NDUFAF2: variants seen among roughly 807,000 people sequenced by gnomAD.
NDUFAF2 encodes NADH:ubiquinone oxidoreductase complex assembly factor 2, also known as NADH dehydrogenase [ubiquinone] 1 alpha subcomplex assembly factor 2.
Under a neutral mutation model 22.8 loss-of-function variants are expected in NDUFAF2, and 13 were observed. The ratio of observed to expected loss-of-function variants is 0.57; its 90% CI spans 0.37 to 0.91. The LOEUF (loss-of-function observed/expected upper bound fraction) is 0.91, where lower values mean the gene tolerates loss of function less well. Ranked by LOEUF, NDUFAF2 falls within the 40% of genes least tolerant of loss-of-function variation. The pLI, the probability that NDUFAF2 is intolerant of heterozygous loss-of-function variation, is 0.01. For synonymous variants in NDUFAF2, 53 were observed against 64.2 expected, an observed-to-expected ratio of 0.83 and a Z score of 0.84; for missense variants, 162 against 195.2, an observed-to-expected ratio of 0.83 and a Z score of 1.01.
chr5:60,994,578 C>A (rs1356090211), intron 1 of NDUFAF2, among the ~76,000 whole-genome samples: 1 of 152,188 alleles, frequency 6.6e-6, no homozygotes, highest in Non-Finnish European at 1.5e-5. Flanking sequence ...AATATTGGAG[C>A]TCCATTGTTG....
In NDUFAF2 at chr5:61,107,352, T is replaced by G. The variant is rs1579833580; in HGVS notation, c.258+8320T>G. On this transcript the variant is annotated intron_variant, in intron 3 of 3. Coordinates refer to ENST00000296597, the MANE Select transcript of NDUFAF2 (RefSeq NM_174889.5). ...TGATGATCAGTGATGTTGGAGCACT[T>G]TTTCATATACCTGTTTGCCATTTGC... Among the ~76,000 whole-genome samples the G allele has an allele frequency of 7.3e-5, 11 of 151,534 alleles. No homozygotes were observed. The South Asian group carries it at 2.1e-3, about 29-fold the overall frequency.
At chr5:61,147,304 A>G (rs1188480778) in intron 3 of NDUFAF2, among the ~76,000 whole-genome samples, 1 of 151,736 alleles carries the variant, frequency 6.6e-6, no homozygotes, top group Non-Finnish European at 1.5e-5. Context: ...GCTGGAGTGC[A>G]GTGGTGTGAT....
At chr5:61,143,119 T>A (rs1274014315) in intron 3 of NDUFAF2, among the ~76,000 whole-genome samples, 2 of 152,156 alleles carry the variant, frequency 1.3e-5, no homozygotes, top group Non-Finnish European at 2.9e-5. Context: ...ATTCCCATTA[T>A]AATTTTATAA....
At chr5:61,019,991 A>G (rs1312659007) in intron 1 of NDUFAF2, among the ~76,000 whole-genome samples, 1 of 152,160 alleles carries the variant, frequency 6.6e-6, no homozygotes, top group Non-Finnish European at 1.5e-5. Flanking sequence ...CAATGTCTTT[A>G]ATAGTAGCAG....
chr5:61,034,914 G>GTC (rs1751777948), intron 1 of NDUFAF2, among the ~76,000 whole-genome samples: 2 of 65,932 alleles, frequency 3.0e-5, no homozygotes, highest in Non-Finnish European at 6.5e-5. Flanking sequence ...AAATATATAT[G>GTC]TGTGTGTGTG....
intron 1 of NDUFAF2, among the ~76,000 whole-genome samples, chr5:61,002,634 G>A (rs970019516): frequency 2.0e-5 from 3 of 152,064 alleles, no homozygotes; most frequent in Admixed American, 1.3e-4. Context: ...CTAAAACATT[G>A]TGCAGATGTA....
At chr5:61,106,677 C>T (rs1752767157) in intron 3 of NDUFAF2, among the ~76,000 whole-genome samples, 1 of 149,772 alleles carries the variant, frequency 6.7e-6, no homozygotes, top group Non-Finnish European at 1.5e-5. Flanking sequence ...ATTAACCATT[C>T]CCACCCCCCC....
intron 3 of NDUFAF2, among the ~76,000 whole-genome samples, chr5:61,143,621 C>T (rs1741088281): frequency 6.6e-6 from 1 of 151,968 alleles, no homozygotes; most frequent in Admixed American, 6.6e-5. Flanking sequence ...TCCGGTTTCT[C>T]ATTTTTTATA....
intron 3 of NDUFAF2, among the ~76,000 whole-genome samples, chr5:61,148,894 A>G (rs1741187620): frequency 6.6e-6 from 1 of 152,220 alleles, no homozygotes; most frequent in Non-Finnish European, 1.5e-5. Flanking sequence ...ATCTGCATAA[A>G]CTTTTCAATC....
At chr5:60,999,212 C>G (rs1476343944) in intron 1 of NDUFAF2, among the ~76,000 whole-genome samples, 1 of 151,942 alleles carries the variant, frequency 6.6e-6, no homozygotes, top group Non-Finnish European at 1.5e-5. Flanking sequence ...ACTAGCAATT[C>G]CACTCCTAGG....
chr5:61,142,915 G>A (rs974489835), intron 3 of NDUFAF2, among the ~76,000 whole-genome samples: 21 of 152,170 alleles, frequency 1.4e-4, no homozygotes, highest in African/African-American at 4.6e-4. Context: ...GATGAAAAAG[G>A]GTGATCTAAT....
At chr5:61,006,343 A>G (rs1751366161) in intron 1 of NDUFAF2, among the ~76,000 whole-genome samples, 1 of 152,192 alleles carries the variant, frequency 6.6e-6, no homozygotes, top group Non-Finnish European at 1.5e-5. Context: ...TGGTTACTGT[A>G]GCCTTGTAGT....
At chr5:61,036,422 G>T (rs1272482787) in intron 1 of NDUFAF2, among the ~76,000 whole-genome samples, 3 of 152,194 alleles carry the variant, frequency 2.0e-5, no homozygotes, top group Non-Finnish European at 4.4e-5. Flanking sequence ...TTTAGTTTTA[G>T]ATTCTCAAAA....
chr5:61,098,538 AC>A (rs1485990286), intron 2 of NDUFAF2, among the ~76,000 whole-genome samples: 1 of 152,182 alleles, frequency 6.6e-6, no homozygotes, highest in East Asian at 1.9e-4. Flanking sequence ...CAGAAAAGAA[AC>A]CTCTGTAAAT....
At chr5:61,117,665 T>C (rs1225488134) in intron 3 of NDUFAF2, among the ~76,000 whole-genome samples, 1 of 144,140 alleles carries the variant, frequency 6.9e-6, no homozygotes, top group African/African-American at 2.5e-5. Flanking sequence ...CCAATGCATA[T>C]GATTGACTTT....
intron 1 of NDUFAF2, among the ~76,000 whole-genome samples, chr5:61,036,402 A>G (rs1751800266): frequency 6.6e-6 from 1 of 152,232 alleles, no homozygotes; most frequent in African/African-American, 2.4e-5. Flanking sequence ...ATTGTAGACT[A>G]TAGCTTATAT....
chr5:60,984,309 G>C (rs1275434984), intron 1 of NDUFAF2, among the ~76,000 whole-genome samples: 1 of 151,764 alleles, frequency 6.6e-6, no homozygotes, highest in Non-Finnish European at 1.5e-5. Flanking sequence ...TGAGACGATG[G>C]GGTTTTCTAG....
intron 1 of NDUFAF2, among the ~76,000 whole-genome samples, chr5:60,952,810 C>T (rs144387128): frequency 2.6e-5 from 4 of 152,140 alleles, no homozygotes; most frequent in African/African-American, 7.2e-5. Flanking sequence ...TACAAGTTTA[C>T]ATTTGTCTTT....
At chr5:61,056,528 A>G (rs1034201916) in intron 1 of NDUFAF2, among the ~76,000 whole-genome samples, 1 of 152,136 alleles carries the variant, frequency 6.6e-6, no homozygotes, top group Non-Finnish European at 1.5e-5. Context: ...CATGTCATCC[A>G]ATTTTGTTAG....
Sources: gnomAD v4.1 joint callset for allele counts (sites outside exome capture counted in the v4.1 genomes callset) on GRCh38, gnomAD v4.1.1 for gene constraint, MANE v1.5 for transcripts, NCBI Gene and HGNC (gene_info 2026-07-23, HGNC 2026-07-21) for gene names.